Variants in DPP10 observed in about 807,000 individuals in gnomAD.
DPP10 encodes inactive dipeptidyl peptidase 10.
A neutral mutation model predicts 120.9 loss-of-function variants in DPP10; 33 were observed. The observed-to-expected ratio is 0.27, with a 90% confidence interval of 0.21 to 0.37. DPP10 has a LOEUF of 0.37. Ranked by LOEUF, DPP10 falls within the 10% of genes least tolerant of loss-of-function variation. The pLI, the probability that DPP10 is intolerant of heterozygous loss-of-function variation, is 1.00. For synonymous variants in DPP10, 337 were observed against 326.1 expected (o/e 1.03, Z -0.36); for missense variants, 816 against 942.8 (o/e 0.87, Z 1.76).
rs140003314 is a variant in DPP10, at chr2:114,514,580, A to G, written c.60+71742A>G. Among the ~76,000 whole-genome samples the G allele has an allele frequency of 3.3e-5, 5 of 152,254 alleles. 1 individual carries two copies. The highest frequency in any genetic ancestry group is 1.2e-4 in the African/African-American group (5 of 41,540). On this transcript the variant is annotated intron_variant, in intron 1 of 25. Coordinates refer to ENST00000410059, the MANE Select transcript of DPP10 (RefSeq NM_020868.6). ...ACATTCCACATGCCCTCAGGATTTA[A>G]CTTAAGCTCCAGGCTGTTTCAATAC...
chr2:115,440,052 A>C (rs2071881081), intron 3 of DPP10, among the ~76,000 whole-genome samples: 1 of 152,126 alleles, frequency 6.6e-6, no homozygotes, highest in Non-Finnish European at 1.5e-5. Context: ...TTGTAAATTA[A>C]CTAGCTCTTT....
intron 1 of DPP10, among the ~76,000 whole-genome samples, chr2:114,443,306 T>G (rs1005464167): frequency 6.6e-6 from 1 of 152,150 alleles, no homozygotes; most frequent in Non-Finnish European, 1.5e-5. Context: ...GTGGTTATAC[T>G]AAAGTGATTA....
chr2:115,487,815 G>T, intron 3 of DPP10, among the ~76,000 whole-genome samples: 1 of 2,640 alleles, frequency 3.8e-4, no homozygotes, highest in African/African-American at 4.1e-4. Flanking sequence ...GGACATAGGC[G>T]TGGGCAAGGA....
intron 1 of DPP10, among the ~76,000 whole-genome samples, chr2:115,062,790 T>C (rs142321712): frequency 0.023 from 3,519 of 152,366 alleles, 78 homozygotes; most frequent in Non-Finnish European, 0.035. Context: ...CAGTCTATTA[T>C]TGATGGGCAT....
At chr2:115,744,554 C>A (rs1385273920) in intron 9 of DPP10, among the ~76,000 whole-genome samples, 1 of 150,342 alleles carries the variant, frequency 6.7e-6, no homozygotes, top group Non-Finnish European at 1.5e-5. Flanking sequence ...CTCTATGAAC[C>A]AATTTCATAA....
intron 1 of DPP10, chr2:114,833,186 A>G (rs1019716965): frequency 3.9e-5 from 6 of 152,076 alleles, no homozygotes; most frequent in Admixed American, 1.3e-4. Flanking sequence ...GCTGCATAAT[A>G]TGAAGTCCCT....
chr2:115,385,224 C>T (rs552183006), intron 3 of DPP10, among the ~76,000 whole-genome samples: 65 of 152,232 alleles, frequency 4.3e-4, no homozygotes, highest in African/African-American at 1.5e-3. Context: ...GGGTCCTGCC[C>T]CATACCTGGG....
At chr2:115,241,783 A>G (rs1559299062) in intron 1 of DPP10, among the ~76,000 whole-genome samples, 1 of 152,178 alleles carries the variant, frequency 6.6e-6, no homozygotes. Context: ...CATCTTTGCT[A>G]ATTGTTTTAC....
intron 5 of DPP10, among the ~76,000 whole-genome samples, chr2:115,635,952 A>T (rs1322279635): frequency 1.3e-5 from 2 of 152,198 alleles, no homozygotes; most frequent in Non-Finnish European, 2.9e-5. Flanking sequence ...CATTGCACAT[A>T]TTACTTGAAA....
At chr2:114,767,642 T>A (rs1008001070) in intron 1 of DPP10, among the ~76,000 whole-genome samples, 2 of 152,158 alleles carry the variant, frequency 1.3e-5, no homozygotes, top group African/African-American at 4.8e-5. Context: ...ATAATTTCCA[T>A]GAGGTTCTTT....
At position 115,011,895 on chromosome 2, in the gene DPP10, C is replaced by T. The variant is rs956249664; in HGVS notation, c.61-297344C>T. ...TTCCTGGTCTGGGGCCAATTCTCAGCCCTGCTCACTGGTTGCCTGGAAATA... is the reference window on the plus strand; with the variant it reads ...TTCCTGGTCTGGGGCCAATTCTCAGTCCTGCTCACTGGTTGCCTGGAAATA... On this transcript the variant is annotated intron_variant, in intron 1 of 25. Coordinates refer to ENST00000410059, the MANE Select transcript of DPP10 (RefSeq NM_020868.6). Among the ~76,000 whole-genome samples the T allele has an allele frequency of 3.9e-5, 6 of 151,976 alleles. No homozygotes were observed. In the South Asian group the frequency reaches 1.3e-3, roughly 32 times the overall value.
chr2:115,049,334 T>G (rs2105336368), intron 1 of DPP10, among the ~76,000 whole-genome samples: 1 of 152,258 alleles, frequency 6.6e-6, no homozygotes, highest in South Asian at 2.1e-4. Context: ...CACGCCACTC[T>G]TAATTGCTTA....
intron 19 of DPP10, among the ~76,000 whole-genome samples, chr2:115,795,359 T>C (rs1246726530): frequency 6.6e-6 from 1 of 152,140 alleles, no homozygotes; most frequent in East Asian, 1.9e-4. Context: ...GCAGTAAATG[T>C]TCAACAGATT....
intron 1 of DPP10, among the ~76,000 whole-genome samples, chr2:114,590,405 C>A (rs1400268168): frequency 6.6e-6 from 1 of 152,116 alleles, no homozygotes; most frequent in South Asian, 2.1e-4. Flanking sequence ...TGAGCAATTG[C>A]TTTTCTTAAT....
intron 1 of DPP10, among the ~76,000 whole-genome samples, chr2:114,566,051 C>A (rs550168229): frequency 2.5e-4 from 38 of 152,300 alleles, no homozygotes; most frequent in African/African-American, 9.1e-4. Flanking sequence ...GAAATGGACT[C>A]TGTGTTCAGT....
chr2:114,896,095 C>T (rs1028201187), intron 1 of DPP10, among the ~76,000 whole-genome samples: 1 of 152,112 alleles, frequency 6.6e-6, no homozygotes, highest in Non-Finnish European at 1.5e-5. Context: ...TGATCTATAT[C>T]TCTGTTTTGG....
At chr2:114,884,791 C>T (rs1447355469) in intron 1 of DPP10, among the ~76,000 whole-genome samples, 1 of 152,174 alleles carries the variant, frequency 6.6e-6, no homozygotes, top group Non-Finnish European at 1.5e-5. Flanking sequence ...TTAGCTCCCA[C>T]TTATGAGTGA....
At chr2:115,420,917 C>A (rs564185165) in intron 3 of DPP10, among the ~76,000 whole-genome samples, 26 of 152,248 alleles carry the variant, frequency 1.7e-4, no homozygotes, top group Non-Finnish European at 3.2e-4. Flanking sequence ...CAGAAGACAG[C>A]AGGATTTCAC....
chr2:114,443,528 C>A (rs1468061061), intron 1 of DPP10, among the ~76,000 whole-genome samples: 1 of 152,070 alleles, frequency 6.6e-6, no homozygotes, highest in Non-Finnish European at 1.5e-5. Context: ...CATGCTTATA[C>A]CATTCTCTTT....
Sources: gnomAD v4.1 joint callset for allele counts (sites outside exome capture counted in the v4.1 genomes callset) on GRCh38, gnomAD v4.1.1 for gene constraint, MANE v1.5 for transcripts, NCBI Gene and HGNC (gene_info 2026-07-23, HGNC 2026-07-21) for gene names.